The following INPP4B variants were observed in gnomAD, a reference collection of about 807,000 sequenced individuals.
INPP4B encodes inositol polyphosphate 4-phosphatase type II.
A neutral mutation model predicts 122.5 loss-of-function variants in INPP4B; 55 were observed. The ratio of observed to expected loss-of-function variants is 0.45; its 90% confidence interval spans 0.36 to 0.56. The LOEUF (loss-of-function observed/expected upper bound fraction) is 0.56. INPP4B is among the 20% of genes least tolerant of loss of function. INPP4B has a pLI of 0.00. For synonymous variants in INPP4B, 403 were observed against 388.7 expected (o/e 1.04, Z -0.43); for missense variants, 1,000 against 1,097.7 (o/e 0.91, Z 1.26).
intron 2 of INPP4B, among the ~76,000 whole-genome samples, chr4:142,522,042 G>C (rs1011641146): frequency 5.9e-5 from 9 of 152,062 alleles, no homozygotes; most frequent in Non-Finnish European, 1.3e-4. Context: ...GACTGGCTGT[G>C]TGCTTTGGGC....
At chr4:142,824,922 T>C (rs569758512) in intron 1 of INPP4B, among the ~76,000 whole-genome samples, 3 of 152,234 alleles carry the variant, frequency 2.0e-5, no homozygotes, top group East Asian at 3.9e-4. Context: ...ATTGACAAAG[T>C]GTTGAGGACT....
At chr4:142,340,076 A>C (rs1036270196) in intron 7 of INPP4B, among the ~76,000 whole-genome samples, 1 of 152,160 alleles carries the variant, frequency 6.6e-6, no homozygotes, top group Non-Finnish European at 1.5e-5. Context: ...AAGTCTCTCC[A>C]AACTGGGGTA....
intron 7 of INPP4B, among the ~76,000 whole-genome samples, chr4:142,378,982 G>A (rs1405530985): frequency 6.6e-6 from 1 of 152,148 alleles, no homozygotes; most frequent in Non-Finnish European, 1.5e-5. Flanking sequence ...GGTAGGGGGT[G>A]CGGGTTGTGG....
At chr4:142,622,179 A>C in intron 2 of INPP4B, among the ~76,000 whole-genome samples, 1 of 151,934 alleles carries the variant, frequency 6.6e-6, no homozygotes, top group Admixed American at 6.6e-5. Context: ...TGGACTCCCA[A>C]AAAGCTCAAT....
At chr4:142,835,107 C>G (rs568930989) in intron 1 of INPP4B, among the ~76,000 whole-genome samples, 1 of 152,284 alleles carries the variant, frequency 6.6e-6, no homozygotes, top group African/African-American at 2.4e-5. Context: ...TTCCACATTC[C>G]CAAAGCTTAT....
At chr4:142,223,496 A>C (rs191149609) in intron 12 of INPP4B, among the ~76,000 whole-genome samples, 1 of 152,116 alleles carries the variant, frequency 6.6e-6, no homozygotes, top group African/African-American at 2.4e-5. Flanking sequence ...AATTGAAAAA[A>C]ATGTGCTTCT....
intron 4 of INPP4B, among the ~76,000 whole-genome samples, chr4:142,430,679 A>G (rs1366060193): frequency 1.3e-5 from 2 of 152,100 alleles, no homozygotes; most frequent in South Asian, 4.1e-4. Flanking sequence ...CACTGGCTCT[A>G]TATTTGTGGC....
intron 9 of INPP4B, among the ~76,000 whole-genome samples, chr4:142,303,889 G>C (rs1453594207): frequency 6.6e-6 from 1 of 151,966 alleles, no homozygotes; most frequent in African/African-American, 2.4e-5. Flanking sequence ...TGACCCTTCG[G>C]TTCTTGTCCT....
At chr4:142,841,103 T>C (rs1408723434) in intron 1 of INPP4B, among the ~76,000 whole-genome samples, 3 of 152,050 alleles carry the variant, frequency 2.0e-5, no homozygotes, top group Admixed American at 6.5e-5. Context: ...CTTATGAATG[T>C]GATGTATGCT....
At chr4:142,072,510 T>A (rs1768073760) in intron 25 of INPP4B, among the ~76,000 whole-genome samples, 5 of 148,888 alleles carry the variant, frequency 3.4e-5, no homozygotes, top group Admixed American at 3.3e-4. Flanking sequence ...AGAGAACCAA[T>A]GCAACAGATG....
At chr4:142,108,333 G>C (rs983288707) in intron 22 of INPP4B, 143 bp from the exon 23 acceptor site, 1 of 649,014 alleles carries the variant, frequency 1.5e-6, no homozygotes, top group African/African-American at 1.9e-5. Context: ...AATTCACAAT[G>C]GTGATTTCAA....
intron 1 of INPP4B, among the ~76,000 whole-genome samples, chr4:142,803,132 A>G (rs1050361442): frequency 4.8e-5 from 7 of 146,616 alleles, no homozygotes; most frequent in African/African-American, 1.8e-4. Context: ...AAATTGCACC[A>G]CTGCACTCCA....
Position 142,024,376 on chromosome 4 carries a change from A to G in INPP4B, c.*4406T>C, listed in dbSNP as rs1009900750. 1 of 152,278 alleles carries G rather than the reference A, an allele frequency of 6.6e-6. No individual in the cohort carries two copies. The allele number at this position is 152,278 out of a possible 1,614,324, so 9.4% of individuals were successfully genotyped here. A position where few individuals can be genotyped will look rare whatever the true frequency, so the allele number is the denominator to read the frequency against. Reference sequence around the variant, plus strand: ...CACACTAAAATTGTCAATCAGCTACACATCTCTCACCAAATCATTCTTTTT... The same window carrying G: ...CACACTAAAATTGTCAATCAGCTACGCATCTCTCACCAAATCATTCTTTTT... On this transcript the variant is annotated 3_prime_UTR_variant, in exon 26 of 26. Coordinates refer to ENST00000262992, the MANE Select transcript of INPP4B (RefSeq NM_001101669.3).
At chr4:142,806,788 AAAG>A (rs1262629938) in intron 1 of INPP4B, among the ~76,000 whole-genome samples, 1 of 105,828 alleles carries the variant, frequency 9.4e-6, no homozygotes, top group African/African-American at 3.7e-5. Flanking sequence ...AGAAAGAAGG[AAAG>A]AAAGAAAGAA....
At chr4:142,152,341 C>G (rs773586833) in intron 17 of INPP4B, among the ~76,000 whole-genome samples, 8 of 151,972 alleles carry the variant, frequency 5.3e-5, no homozygotes, top group Non-Finnish European at 1.2e-4. Flanking sequence ...TCCCAAAGTG[C>G]TGGGATTACA....
Position 142,208,918 on chromosome 4 carries a change from C to T in INPP4B, c.945G>A (p.Leu315=), listed in dbSNP as rs768021419. ...CACCTGTTTCCTTGCTAAGTTCTGT[C>T]AGAATGTCTTGGTACATATTCACCA... The part of the protein sequence containing the change: ...DQMVNMYQDI[L]TELSKETGSS... Residue 315 remains leucine (L), a synonymous_variant, in exon 13 of 26, where the codon CTG becomes CTA. Coordinates refer to ENST00000262992, the MANE Select transcript of INPP4B (RefSeq NM_001101669.3). The T allele has an allele frequency of 6.4e-6, 10 of 1,573,510 alleles. No individual in the cohort carries two copies. The highest frequency in any genetic ancestry group is 1.3e-5 in the African/African-American group (1 of 74,168).
At chr4:142,465,354 C>T (rs1197404219) in intron 2 of INPP4B, among the ~76,000 whole-genome samples, 2 of 151,998 alleles carry the variant, frequency 1.3e-5, no homozygotes, top group Non-Finnish European at 2.9e-5. Context: ...AATATACATC[C>T]CACAGACTTA....
At chr4:142,070,576 A>G (rs925260770) in intron 25 of INPP4B, among the ~76,000 whole-genome samples, 1 of 152,190 alleles carries the variant, frequency 6.6e-6, no homozygotes, top group Non-Finnish European at 1.5e-5. Context: ...ATGATTGTAT[A>G]TTTAGAAAAC....
intron 2 of INPP4B, among the ~76,000 whole-genome samples, chr4:142,516,765 GTT>G (rs967930736): frequency 6.9e-6 from 1 of 145,920 alleles, no homozygotes; most frequent in Non-Finnish European, 1.5e-5. Context: ...TTCCTGTTTT[GTT>G]TTTTTTTTTC....
Sources: allele counts gnomAD v4.1 joint callset (sites outside exome capture counted in the v4.1 genomes callset), GRCh38; gene constraint gnomAD v4.1.1; transcripts MANE v1.5; gene names NCBI Gene and HGNC (gene_info 2026-07-23, HGNC 2026-07-21).